The following CHST15 variants were observed in gnomAD, a reference collection of about 807,000 sequenced individuals.
CHST15 encodes B cell RAG associated protein (GALNAC4S-6ST).
Under a neutral mutation model 53.6 loss-of-function variants are expected in CHST15, and 30 were observed. That is an observed-to-expected ratio of 0.56 (90% CI 0.42 to 0.76). The LOEUF is 0.76. Ranked by LOEUF, CHST15 falls within the 30% of genes least tolerant of loss-of-function variation. The pLI is 0.00. For synonymous variants in CHST15, 296 were observed against 289.8 expected (o/e 1.02, Z -0.22); for missense variants, 627 against 740.5 (o/e 0.85, Z 1.78).
intron 1 of CHST15, among the ~76,000 whole-genome samples, chr10:124,060,201 TC>T (rs1948513701): frequency 6.8e-6 from 1 of 147,918 alleles, no homozygotes; most frequent in Admixed American, 6.7e-5. Context: ...GTTCCAACCC[TC>T]CCCCGTGTGT....
intron 1 of CHST15, among the ~76,000 whole-genome samples, chr10:124,093,165 C>A: frequency 6.6e-6 from 1 of 152,194 alleles, no homozygotes; most frequent in Admixed American, 6.5e-5. Flanking sequence ...ATCGCTGAAG[C>A]CTCGGGGAGG....
In CHST15 at chr10:124,010,349, A is replaced by C; in HGVS notation, c.1496-10T>G. On this transcript the variant is annotated splice_polypyrimidine_tract_variant and intron_variant, in intron 7 of 7. Coordinates refer to ENST00000435907, the MANE Select transcript of CHST15 (RefSeq NM_001270764.2). ...TTCTCACTTAAGGGCCCTAGAATAA[A>C]AGAAGACGAGTCCCGTAAGGCAGGA... 1 of 1,564,838 alleles carries C rather than the reference A, an allele frequency of 6.4e-7. No individual in the cohort carries two copies. Among genetic ancestry groups the C allele is most frequent in the Non-Finnish European group, 8.7e-7 (1 of 1,155,626 alleles).
chr10:124,020,199 T>C (rs371310747), intron 6 of CHST15: 10 of 985,516 alleles, frequency 1.0e-5, no homozygotes, highest in East Asian at 2.3e-4. Flanking sequence ...CACAACAGCC[T>C]GGTACAGCAG....
Position 124,046,259 on chromosome 10 carries a change from GC to G in CHST15, c.-48del. 2.0e-6 allele frequency: 3 copies of G among 1,526,452 alleles called. No homozygotes were observed. Among genetic ancestry groups the G allele is most frequent in the Non-Finnish European group, 8.8e-7 (1 of 1,135,804 alleles). The allele number at this position is 1,526,452 out of a possible 1,614,324, so 94.6% of individuals were successfully genotyped here. On this transcript the variant is annotated 5_prime_UTR_variant, in exon 2 of 8. Coordinates refer to ENST00000435907, the MANE Select transcript of CHST15 (RefSeq NM_001270764.2). ...TGCTGGCTTACCGAGCCATGGGTGGGCCCCCCACGAGTCTGGATGTCCGCAA... is the reference window on the plus strand; with the variant it reads ...TGCTGGCTTACCGAGCCATGGGTGGGCCCCCACGAGTCTGGATGTCCGCAA...
chr10:124,031,451 C>T (rs1476552934), intron 5 of CHST15, among the ~76,000 whole-genome samples: 1 of 152,236 alleles, frequency 6.6e-6, no homozygotes, highest in African/African-American at 2.4e-5. Context: ...GTACAGCCTA[C>T]TGCTCCTATG....
At chr10:124,086,831 C>T (rs906255920) in intron 1 of CHST15, among the ~76,000 whole-genome samples, 1 of 152,098 alleles carries the variant, frequency 6.6e-6, no homozygotes, top group Non-Finnish European at 1.5e-5. Context: ...ATGGGGAAAC[C>T]GAGATGCAAG....
chr10:124,092,777 G>A (rs1292401154), intron 1 of CHST15, among the ~76,000 whole-genome samples: 1 of 152,236 alleles, frequency 6.6e-6, no homozygotes, highest in African/African-American at 2.4e-5. Context: ...GCGCAAGGCT[G>A]GGGGGAATCC....
intron 1 of CHST15, among the ~76,000 whole-genome samples, chr10:124,073,670 C>T (rs1012238508): frequency 2.6e-5 from 4 of 152,234 alleles, no homozygotes; most frequent in Non-Finnish European, 2.9e-5. Context: ...AGCAACCATT[C>T]GACAGGCGCA....
chr10:124,073,054 T>C (rs754241792), intron 1 of CHST15, among the ~76,000 whole-genome samples: 4 of 152,188 alleles, frequency 2.6e-5, no homozygotes, highest in Non-Finnish European at 4.4e-5. Context: ...ACACTGGCAT[T>C]ATCTACTGAA....
At chr10:124,070,998 CTG>C (rs1948894295) in intron 1 of CHST15, among the ~76,000 whole-genome samples, 1 of 152,194 alleles carries the variant, frequency 6.6e-6, no homozygotes, top group Non-Finnish European at 1.5e-5. Context: ...AATTTGCTTT[CTG>C]GGCCACATTC....
intron 2 of CHST15, among the ~76,000 whole-genome samples, chr10:124,045,451 G>A (rs953226141): frequency 1.3e-5 from 2 of 152,294 alleles, no homozygotes; most frequent in East Asian, 3.9e-4. Context: ...CTAGCCCAGC[G>A]TTCAGGACAG....
At chr10:124,022,066 C>T (rs375200995) in intron 5 of CHST15, among the ~76,000 whole-genome samples, 3 of 152,194 alleles carry the variant, frequency 2.0e-5, no homozygotes. Flanking sequence ...AGAATGCTGC[C>T]GCACGGGAAC....
Position 124,011,117 on chromosome 10 carries a change from C to T in CHST15, c.1496-778G>A, listed in dbSNP as rs1946405851. ...ACGCCCCGCCCTCTGGAGTGAGAGG[C>T]CCTGAAACAGAACAGCAAGGGCTGC... On this transcript the variant is annotated intron_variant, in intron 7 of 7. Coordinates refer to ENST00000435907, the MANE Select transcript of CHST15 (RefSeq NM_001270764.2). 5.1e-6 allele frequency: 5 copies of T among 975,422 alleles called. No homozygotes were observed. The South Asian group carries it at 1.9e-4, about 37-fold the overall frequency. The allele number at this position is 975,422 out of a possible 1,614,324, so 60.4% of individuals were successfully genotyped here.
At chr10:124,037,495 C>T (rs78463545) in intron 5 of CHST15, among the ~76,000 whole-genome samples, 34 of 152,290 alleles carry the variant, frequency 2.2e-4, no homozygotes, top group East Asian at 2.1e-3. Context: ...CCATCTTGCG[C>T]GGAGAATTCC....
At chr10:124,081,975 G>A (rs937305497) in intron 1 of CHST15, among the ~76,000 whole-genome samples, 5 of 152,226 alleles carry the variant, frequency 3.3e-5, no homozygotes, top group East Asian at 1.9e-4. Flanking sequence ...ATAAGCAGCC[G>A]GGCCGCCCAT....
At chr10:124,053,133 T>C (rs1948258999) in intron 1 of CHST15, among the ~76,000 whole-genome samples, 1 of 152,252 alleles carries the variant, frequency 6.6e-6, no homozygotes, top group South Asian at 2.1e-4. Context: ...AGTCATTTAT[T>C]ACTCTTTACC....
rs77103543 is a variant in CHST15, at chr10:124,024,262, T to A, written c.1191-2850A>T. 6.6e-6 allele frequency among the ~76,000 whole-genome samples: 1 copy of A among 152,298 alleles called. No individual in the cohort carries two copies. The highest frequency in any genetic ancestry group is 1.9e-4 in the East Asian group (1 of 5,182). On this transcript the variant is annotated intron_variant, in intron 5 of 7. Coordinates refer to ENST00000435907, the MANE Select transcript of CHST15 (RefSeq NM_001270764.2). This position sits in a 1 kb window ranked among gnomAD's most constrained non-coding sequence, Gnocchi z 4.0. ...CCTTCTCCACTGCCCTCCCCTCTAA[T>A]TGAGGTCATGATATGAGGAGCAGCA...
chr10:124,019,730 C>A lies in CHST15; in HGVS notation c.1347+1526G>T. The stretch of plus-strand genomic sequence containing the variant: ...GTGAGATATTCCTTTTCCACTCCTA[C>A]ACTATCTTCTGCTTAAAACCCTCTG... On this transcript the variant is annotated intron_variant, in intron 6 of 7. Coordinates refer to ENST00000435907, the MANE Select transcript of CHST15 (RefSeq NM_001270764.2). This position sits in a 1 kb window ranked among gnomAD's most constrained non-coding sequence, Gnocchi z 4.6. 1 of 963,164 alleles carries A rather than the reference C, an allele frequency of 1.0e-6. No individual in the cohort carries two copies. The allele number at this position is 963,164 out of a possible 1,614,324, so 59.7% of individuals were successfully genotyped here.
chr10:124,048,954 C>G (rs550306325), intron 1 of CHST15, among the ~76,000 whole-genome samples: 3 of 152,126 alleles, frequency 2.0e-5, no homozygotes, highest in African/African-American at 7.2e-5. Context: ...GTGCCCGGAC[C>G]GGGTCCACAG....
Sources: allele counts gnomAD v4.1 joint callset (sites outside exome capture counted in the v4.1 genomes callset), GRCh38; gene constraint gnomAD v4.1.1; non-coding constraint Gnocchi (gnomAD v3.1); transcripts MANE v1.5; gene names NCBI Gene and HGNC (gene_info 2026-07-23, HGNC 2026-07-21).